Variants in ANKFN1 observed in about 807,000 individuals in gnomAD.
The protein encoded by ANKFN1 is ankyrin repeat and fibronectin type-III domain-containing protein 1.
A neutral mutation model predicts 108.7 loss-of-function variants in ANKFN1; 74 were observed. That is an observed-to-expected ratio of 0.68 (90% CI 0.56 to 0.83). ANKFN1 has a LOEUF of 0.83. Ranked by LOEUF, ANKFN1 falls within the 40% of genes least tolerant of loss-of-function variation. ANKFN1 has a pLI of 0.00. For synonymous variants in ANKFN1, 547 were observed against 516.2 expected, an observed-to-expected ratio of 1.06 and a Z score of -0.81; for missense variants, 1,505 against 1,382.3, an observed-to-expected ratio of 1.09 and a Z score of -1.41.
At chr17:56,181,570 G>A (rs1405895609) in intron 1 of ANKFN1, among the ~76,000 whole-genome samples, 8 of 152,154 alleles carry the variant, frequency 5.3e-5, no homozygotes, top group Non-Finnish European at 1.2e-4. Context: ...TTTCGAGGAT[G>A]AATTTCCAAT....
At chr17:56,421,781 C>A (rs528663989) in intron 8 of ANKFN1, among the ~76,000 whole-genome samples, 2 of 152,068 alleles carry the variant, frequency 1.3e-5, no homozygotes, top group East Asian at 1.9e-4. Context: ...AGTGAAATAC[C>A]GCCTCATTTT....
At chr17:56,477,880 T>C (rs1472645616) in intron 16 of ANKFN1, among the ~76,000 whole-genome samples, 4 of 151,990 alleles carry the variant, frequency 2.6e-5, no homozygotes, top group African/African-American at 9.7e-5. Context: ...CAGGCTGGAG[T>C]ACAATGGCGC....
At chr17:56,467,021 G>A (rs1224030052) in intron 15 of ANKFN1, among the ~76,000 whole-genome samples, 2 of 152,128 alleles carry the variant, frequency 1.3e-5, no homozygotes, top group Non-Finnish European at 2.9e-5. Flanking sequence ...GGGGGCTGAG[G>A]CGGGGAGAAT....
chr17:56,111,311 G>C (rs932996332), intron 4 of ANKFN1, among the ~76,000 whole-genome samples: 2 of 152,148 alleles, frequency 1.3e-5, no homozygotes, highest in African/African-American at 4.8e-5. Context: ...CAGAGAATCA[G>C]ATGCTCATTG....
chr17:56,190,784 C>A (rs199653548), intron 1 of ANKFN1, among the ~76,000 whole-genome samples: 1 of 141,774 alleles, frequency 7.1e-6, no homozygotes, highest in Non-Finnish European at 1.5e-5. Flanking sequence ...CTTTCTGTCT[C>A]GTTGATCTGT....
intron 3 of ANKFN1, chr17:56,253,978 A>G (rs2043296124): frequency 6.6e-6 from 1 of 152,204 alleles, no homozygotes; most frequent in Non-Finnish European, 1.5e-5. Context: ...AGTTTTTAAC[A>G]ACGACTGTGA....
At chr17:56,419,253 G>A (rs535884120) in intron 8 of ANKFN1, among the ~76,000 whole-genome samples, 3 of 148,804 alleles carry the variant, frequency 2.0e-5, no homozygotes, top group South Asian at 2.2e-4. Flanking sequence ...AGGCCGAGGC[G>A]GGCAGATCAC....
chr17:56,387,128 A>G (rs1272898158), intron 8 of ANKFN1, among the ~76,000 whole-genome samples: 2 of 152,112 alleles, frequency 1.3e-5, no homozygotes, highest in East Asian at 3.9e-4. Flanking sequence ...ATTCTATTTT[A>G]TGCTTATTTT....
intron 1 of ANKFN1, among the ~76,000 whole-genome samples, chr17:56,167,275 A>ATATG (rs1555603948): frequency 4.1e-4 from 4 of 9,780 alleles, no homozygotes; most frequent in African/African-American, 5.3e-4. Context: ...ATATATATAC[A>ATATG]TATATATATA....
chr17:56,144,185 A>AAAAAACTACT lies in ANKFN1; in HGVS notation c.289-83732_289-83731insAAAAACTACT, dbSNP rs1555600058. On this transcript the variant is annotated intron_variant, in intron 4 of 12. Coordinates refer to the ANKFN1 transcript ENST00000635860. Reference sequence around the variant, plus strand: ...AAAAAAAAAAAAAAAAAAAAAAAAAACAGCCCAAACCAAATGAATGCAGAG... The same window carrying AAAAAACTACT: ...AAAAAAAAAAAAAAAAAAAAAAAAAAAAAAACTACTCAGCCCAAACCAAATGAATGCAGAG... Among the ~76,000 whole-genome samples, 17 of 99,232 alleles carry AAAAAACTACT rather than the reference A, an allele frequency of 1.7e-4. 2 individuals are homozygous for AAAAAACTACT. The highest frequency in any genetic ancestry group is 1.7e-4 in the Non-Finnish European group (8 of 47,096). The allele number at this position is 99,232 out of a possible 152,430, so 65.1% of individuals were successfully genotyped here. A position where few individuals can be genotyped will look rare whatever the true frequency, so the allele number is the denominator to read the frequency against.
intron 17 of ANKFN1, among the ~76,000 whole-genome samples, chr17:56,481,810 C>T (rs1293877464): frequency 6.6e-6 from 1 of 152,202 alleles, no homozygotes; most frequent in African/African-American, 2.4e-5. Flanking sequence ...AAAGTAAGAG[C>T]TCCACTTGTG....
At chr17:56,118,628 A>G (rs918942709) in intron 4 of ANKFN1, among the ~76,000 whole-genome samples, 1 of 152,190 alleles carries the variant, frequency 6.6e-6, no homozygotes, top group Non-Finnish European at 1.5e-5. Context: ...CACACATTTA[A>G]TCTTCCCAGC....
upstream of ANKFN1, among the ~76,000 whole-genome samples, chr17:56,150,132 A>T (rs1908510390): frequency 6.6e-6 from 1 of 152,142 alleles, no homozygotes; most frequent in African/African-American, 2.4e-5. Flanking sequence ...GCCTGCAGAC[A>T]CCTATGCACA....
rs1438555801 is a variant in ANKFN1 at position 56,516,637 on chromosome 17, G to A, written c.*5368G>A. 6.6e-6 allele frequency among the ~76,000 whole-genome samples: 1 copy of A among 152,130 alleles called. No individual in the cohort carries two copies. The highest frequency in any genetic ancestry group is 2.4e-5 in the African/African-American group (1 of 41,430). On this transcript the variant is annotated 3_prime_UTR_variant, in exon 21 of 21. Coordinates refer to ENST00000682825, the MANE Select transcript of ANKFN1 (RefSeq NM_001370326.1). ...TCTAAATGTGTACTGTAAATGTCCA[G>A]TACCCTCAATCAAAAACAGCACTGG... is the stretch of plus-strand genomic sequence containing the variant.
At chr17:56,427,040 G>A (rs1040675918) in intron 8 of ANKFN1, among the ~76,000 whole-genome samples, 19 of 152,168 alleles carry the variant, frequency 1.2e-4, no homozygotes, top group Admixed American at 1.2e-3. Flanking sequence ...GCCCAAAATA[G>A]CACATTCTTT....
At chr17:56,318,240 G>T (rs1050044365) in intron 3 of ANKFN1, among the ~76,000 whole-genome samples, 8 of 149,910 alleles carry the variant, frequency 5.3e-5, no homozygotes, top group Non-Finnish European at 7.4e-5. Context: ...TAATGGTTCT[G>T]GGGGGGGTGT....
intron 8 of ANKFN1, among the ~76,000 whole-genome samples, chr17:56,404,607 T>C (rs1420275048): frequency 6.6e-6 from 1 of 152,326 alleles, no homozygotes; most frequent in East Asian, 1.9e-4. Flanking sequence ...TTCACCTTTC[T>C]CTGGTGACTC....
chr17:56,482,297 T>C (rs1422368866), intron 17 of ANKFN1, 59 bp from the exon 18 acceptor site: 6 of 1,438,410 alleles, frequency 4.2e-6, no homozygotes, highest in Non-Finnish European at 5.6e-6. Context: ...TTTGGTGTTG[T>C]TTATGTAAGT....
chr17:56,173,614 T>C (rs371104584), intron 1 of ANKFN1, among the ~76,000 whole-genome samples: 3 of 152,084 alleles, frequency 2.0e-5, no homozygotes, highest in East Asian at 1.9e-4. Context: ...CACACTACCA[T>C]GCCCAGCTAT....
Sources: allele counts gnomAD v4.1 joint callset (sites outside exome capture counted in the v4.1 genomes callset), GRCh38; gene constraint gnomAD v4.1.1; transcripts MANE v1.5; gene names NCBI Gene and HGNC (gene_info 2026-07-23, HGNC 2026-07-21).